EPHB2: variants seen among roughly 807,000 people sequenced by gnomAD.
EPHB2 encodes the protein EPH receptor B2, also known as ephrin type-B receptor 2.
EPHB2 carries 18 observed loss-of-function variants against 96.4 expected under a neutral mutation model. The observed-to-expected ratio is 0.19, with a 90% confidence interval of 0.13 to 0.28. The LOEUF is 0.28. EPHB2 is among the 10% of genes least tolerant of loss of function. The pLI is 1.00. For synonymous variants in EPHB2, 506 were observed against 534.1 expected, an observed-to-expected ratio of 0.95 and a Z score of 0.72; for missense variants, 989 against 1,355.4, an observed-to-expected ratio of 0.73 and a Z score of 4.25.
intron 4 of EPHB2, among the ~76,000 whole-genome samples, chr1:22,863,908 G>A (rs536125650): frequency 1.3e-5 from 2 of 152,116 alleles, no homozygotes; most frequent in African/African-American, 2.4e-5. Context: ...CTAATTTTTT[G>A]TAGAGACAGG....
At chr1:22,778,782 A>C (rs1644488265) in intron 1 of EPHB2, among the ~76,000 whole-genome samples, 1 of 152,114 alleles carries the variant, frequency 6.6e-6, no homozygotes, top group Admixed American at 6.5e-5. Flanking sequence ...GGGGCCCCCC[A>C]CCCTAAGCTT....
At chr1:22,887,771 T>G (rs1336782557) in intron 6 of EPHB2, among the ~76,000 whole-genome samples, 1 of 152,164 alleles carries the variant, frequency 6.6e-6, no homozygotes, top group Non-Finnish European at 1.5e-5. Context: ...CCACCTGTGG[T>G]CGATGGCCCC....
chr1:22,778,077 G>A (rs1008410860), intron 1 of EPHB2, among the ~76,000 whole-genome samples: 6 of 152,150 alleles, frequency 3.9e-5, no homozygotes, highest in African/African-American at 9.7e-5. Context: ...CCAGGCTGGC[G>A]TGCAATGGTG....
chr1:22,842,469 G>A (rs1645484202), intron 3 of EPHB2, among the ~76,000 whole-genome samples: 1 of 151,860 alleles, frequency 6.6e-6, no homozygotes, highest in African/African-American at 2.4e-5. Flanking sequence ...ATAGTCATCC[G>A]TGCCTGAACC....
intron 6 of EPHB2, among the ~76,000 whole-genome samples, chr1:22,883,922 C>G (rs556178018): frequency 3.9e-5 from 6 of 152,256 alleles, no homozygotes; most frequent in Non-Finnish European, 5.9e-5. Flanking sequence ...GAATCCTTTC[C>G]CTTGTGCCCT....
chr1:22,778,254 G>C (rs1644479889), intron 1 of EPHB2, among the ~76,000 whole-genome samples: 1 of 152,064 alleles, frequency 6.6e-6, no homozygotes, highest in Admixed American at 6.6e-5. Flanking sequence ...TCGAACTCCT[G>C]ACCTCAAGTG....
chr1:22,720,020 G>A (rs750818872), intron 1 of EPHB2, among the ~76,000 whole-genome samples: 8 of 152,200 alleles, frequency 5.3e-5, no homozygotes, highest in Non-Finnish European at 1.0e-4. Context: ...AAATTCCATC[G>A]TGGCTTCACA....
intron 1 of EPHB2, among the ~76,000 whole-genome samples, chr1:22,756,806 T>C (rs1221470665): frequency 6.6e-6 from 1 of 151,710 alleles, no homozygotes; most frequent in Non-Finnish European, 1.5e-5. Context: ...ACCTTAGATA[T>C]GAGGAGGCTG....
intron 3 of EPHB2, among the ~76,000 whole-genome samples, chr1:22,848,380 T>C (rs1645574532): frequency 6.6e-6 from 1 of 152,168 alleles, no homozygotes; most frequent in Admixed American, 6.5e-5. Context: ...AGGCCTGAGA[T>C]GGCCTGTCCA....
In EPHB2 at chr1:22,912,707, G is replaced by A. The variant is rs1282384149; in HGVS notation, c.2852+108G>A. The A allele has an allele frequency of 3.9e-6, 6 of 1,549,752 alleles. No individual in the cohort carries two copies. The African/African-American group carries it at 6.8e-5, about 17-fold the overall frequency. On this transcript the variant is annotated intron_variant, in intron 15 of 15. Transcript: ENST00000374630. ...TGAGGAATAGATCATGTCCCAATAG[G>A]GAAGCAGGGACCAAGGGGCAAGATG...
intron 1 of EPHB2, among the ~76,000 whole-genome samples, chr1:22,761,911 C>T (rs1009643767): frequency 3.3e-5 from 5 of 152,224 alleles, no homozygotes; most frequent in African/African-American, 9.6e-5. Flanking sequence ...GGGAGGGGGG[C>T]GTCCACGTGT....
intron 2 of EPHB2, among the ~76,000 whole-genome samples, chr1:22,782,281 G>A (rs1486964662): frequency 6.6e-6 from 1 of 152,184 alleles, no homozygotes; most frequent in Non-Finnish European, 1.5e-5. Flanking sequence ...CACAATGCCT[G>A]GCATAGATTG....
chr1:22,893,359 A>G (rs1480053592), intron 7 of EPHB2, among the ~76,000 whole-genome samples: 1 of 152,248 alleles, frequency 6.6e-6, no homozygotes, highest in African/African-American at 2.4e-5. Context: ...AAATGAAAGC[A>G]TCACATTCAA....
intron 14 of EPHB2, among the ~76,000 whole-genome samples, chr1:22,911,591 A>T (rs1238735489): frequency 1.3e-5 from 2 of 152,172 alleles, no homozygotes; most frequent in African/African-American, 2.4e-5. Flanking sequence ...AGGCTCCATG[A>T]GGCAGCAGCT....
intron 6 of EPHB2, among the ~76,000 whole-genome samples, chr1:22,885,993 C>T (rs1221347054): frequency 6.6e-6 from 1 of 152,106 alleles, no homozygotes; most frequent in African/African-American, 2.4e-5. Context: ...CCTGAGGGTG[C>T]CAGGTGGCTC....
At position 22,790,539 on chromosome 1, in the gene EPHB2, G is replaced by T. The variant is rs1167614359; in HGVS notation, c.811+5463G>T. The stretch of plus-strand genomic sequence containing the variant: ...GAGTATGATAGGTGTGATTGTGAAT[G>T]TTCCCCTGCCCCAGTTTCTCCAAGC... On this transcript the variant is annotated intron_variant, in intron 3 of 15. Coordinates refer to ENST00000374630, the MANE Select transcript of EPHB2 (RefSeq NM_017449.5). This position sits in a 1 kb window ranked among gnomAD's most constrained non-coding sequence, Gnocchi z 4.0. Among the ~76,000 whole-genome samples, 3 of 152,134 alleles carry T rather than the reference G, an allele frequency of 2.0e-5. No homozygotes were observed. The highest frequency in any genetic ancestry group is 7.2e-5 in the African/African-American group (3 of 41,440).
intron 5 of EPHB2, 71 bp downstream of exon 5, chr1:22,865,283 CAA>C (rs2148528060): frequency 2.0e-6 from 3 of 1,535,878 alleles, no homozygotes; most frequent in Non-Finnish European, 2.7e-6. Flanking sequence ...GCAGTCCTCA[CAA>C]AAGACTCCTT....
intron 3 of EPHB2, among the ~76,000 whole-genome samples, chr1:22,795,496 G>T (rs1561623): frequency 8.3e-4 from 8 of 9,690 alleles, no homozygotes; most frequent in South Asian, 2.1e-3. Context: ...GTTTTGTTTT[G>T]CCCCCATAGC....
intron 1 of EPHB2, among the ~76,000 whole-genome samples, chr1:22,727,851 C>T (rs1643618850): frequency 6.7e-6 from 1 of 150,256 alleles, no homozygotes; most frequent in Non-Finnish European, 1.5e-5. Flanking sequence ...CTGTATTGCC[C>T]AGGCTGGTCT....
Sources: allele counts gnomAD v4.1 joint callset (sites outside exome capture counted in the v4.1 genomes callset), GRCh38; gene constraint gnomAD v4.1.1; non-coding constraint Gnocchi (gnomAD v3.1); transcripts MANE v1.5; gene names NCBI Gene and HGNC (gene_info 2026-07-23, HGNC 2026-07-21).